The following AGBL1 variants were observed in gnomAD, a reference collection of about 807,000 sequenced individuals.
AGBL1 encodes cytosolic carboxypeptidase 4.
In AGBL1, 130 loss-of-function variants were observed where a neutral mutation model predicts 118.9. That is an observed-to-expected ratio of 1.09 (90% confidence interval 0.95 to 1.26). The LOEUF (loss-of-function observed/expected upper bound fraction) is 1.26, where lower values mean the gene tolerates loss of function less well. AGBL1 is among the 50% of genes most tolerant of loss of function. The pLI is 0.00. For missense variants in AGBL1, 1,584 were observed against 1,298.1 expected (o/e 1.22, Z -3.38); for synonymous variants, 555 against 478.9 (o/e 1.16, Z -2.08).
intron 22 of AGBL1, among the ~76,000 whole-genome samples, chr15:86,682,376 T>C (rs1408747680): frequency 6.6e-6 from 1 of 152,174 alleles, no homozygotes; most frequent in African/African-American, 2.4e-5. Flanking sequence ...AAAAGCAAAA[T>C]CAAATATTTT....
intron 22 of AGBL1, among the ~76,000 whole-genome samples, chr15:86,727,483 A>T (rs1022311309): frequency 8.5e-5 from 13 of 152,158 alleles, no homozygotes; most frequent in African/African-American, 2.9e-4. Flanking sequence ...TCAACTAATG[A>T]ACATAGTCCT....
chr15:86,698,446 C>T lies in AGBL1; in HGVS notation c.3158+24010C>T, dbSNP rs565502441. ...AGGATTTGTCTGACTTCAATTTCCA[C>T]GTTCTTTCCCTTCCCTATACCATGC... On this transcript the variant is annotated intron_variant, in intron 22 of 22. Transcript: ENST00000614907. Among the ~76,000 whole-genome samples, 18 of 152,132 alleles carry T rather than the reference C, an allele frequency of 1.2e-4. No individual in the cohort carries two copies. The East Asian group carries it at 1.9e-3, about 16-fold the overall frequency.
intron 22 of AGBL1, among the ~76,000 whole-genome samples, chr15:86,719,306 C>T (rs1430649729): frequency 2.0e-5 from 3 of 152,042 alleles, no homozygotes; most frequent in Non-Finnish European, 4.4e-5. Flanking sequence ...TCTATATAGC[C>T]CCAGTTTTCT....
At position 87,008,945 on chromosome 15, in the gene AGBL1, T is replaced by G. The variant is rs547069396; in HGVS notation, c.3324-19880T>G. ...TTGGGTGCTGTTAAAAGCATTCAGT[T>G]TTAAAAGGGAAACAGAGCATAAAAG... is the stretch of plus-strand genomic sequence containing the variant. On this transcript the variant is annotated intron_variant, in intron 24 of 24. Transcript: ENST00000441037. Among the ~76,000 whole-genome samples, 61 of 152,242 alleles carry G rather than the reference T, an allele frequency of 4.0e-4. 2 individuals carry two copies. The South Asian group carries it at 0.012, about 31-fold the overall frequency.
intron 22 of AGBL1, among the ~76,000 whole-genome samples, chr15:86,777,153 A>G (rs2078268708): frequency 6.6e-6 from 1 of 152,028 alleles, no homozygotes; most frequent in South Asian, 2.1e-4. Context: ...CAGTTTTATA[A>G]AAACCTACTT....
chr15:86,292,026 C>G (rs1242811074), intron 16 of AGBL1, among the ~76,000 whole-genome samples: 1 of 152,140 alleles, frequency 6.6e-6, no homozygotes, highest in African/African-American at 2.4e-5. Flanking sequence ...CAAGAACAAC[C>G]TGTTTCTAAG....
At chr15:86,315,811 A>G (rs1234010435) in intron 17 of AGBL1, among the ~76,000 whole-genome samples, 1 of 152,030 alleles carries the variant, frequency 6.6e-6, no homozygotes, top group African/African-American at 2.4e-5. Context: ...CTTTTATTTC[A>G]CACGGGAATA....
intron 21 of AGBL1, among the ~76,000 whole-genome samples, chr15:86,655,676 T>C (rs2085452013): frequency 6.6e-6 from 1 of 152,174 alleles, no homozygotes. Flanking sequence ...GGTGTGTTAT[T>C]AGATGTCCAA....
intron 17 of AGBL1, among the ~76,000 whole-genome samples, chr15:86,304,758 T>A (rs895844659): frequency 6.6e-6 from 1 of 152,202 alleles, no homozygotes; most frequent in African/African-American, 2.4e-5. Flanking sequence ...ACTTCATTCT[T>A]TCCCTGATGC....
chr15:86,966,770 A>G lies in AGBL1; in HGVS notation c.3222-21217A>G, dbSNP rs140918751. Among the ~76,000 whole-genome samples, 270 of 152,184 alleles carry G rather than the reference A, an allele frequency of 1.8e-3. 1 individual carries two copies. The highest frequency in any genetic ancestry group is 6.2e-3 in the African/African-American group (259 of 41,570). On this transcript the variant is annotated intron_variant, in intron 23 of 24. Transcript: ENST00000441037. ...TTCCAAGTCTTTGCTATTGTGAATAATGCCGCAATAAACATACCTGTGCAT... is the reference window on the plus strand; with the variant it reads ...TTCCAAGTCTTTGCTATTGTGAATAGTGCCGCAATAAACATACCTGTGCAT...
In AGBL1 at chr15:87,012,343, G is replaced by C. The variant is rs559685242; in HGVS notation, c.3324-16482G>C. ...TTCTCATTTCCATATTTTTGGGGGG[G>C]TACTTTCCTACATTGGAGGGTAAAA... On this transcript the variant is annotated intron_variant, in intron 24 of 24. Transcript: ENST00000441037. 9.2e-5 allele frequency among the ~76,000 whole-genome samples: 14 copies of C among 151,600 alleles called. 2 individuals carry two copies. The South Asian group carries it at 2.7e-3, about 29-fold the overall frequency.
At chr15:86,711,554 C>T (rs2086557090) in intron 22 of AGBL1, among the ~76,000 whole-genome samples, 1 of 152,104 alleles carries the variant, frequency 6.6e-6, no homozygotes, top group Admixed American at 6.6e-5. Flanking sequence ...ACTGCTAGCC[C>T]TTACAGTTGC....
At chr15:86,794,778 C>T (rs1164900954) in intron 22 of AGBL1, among the ~76,000 whole-genome samples, 3 of 152,144 alleles carry the variant, frequency 2.0e-5, no homozygotes, top group Non-Finnish European at 4.4e-5. Flanking sequence ...AAGTAATTTG[C>T]TTATTTCTTA....
intron 17 of AGBL1, among the ~76,000 whole-genome samples, chr15:86,331,112 T>C (rs1329673489): frequency 1.3e-5 from 2 of 150,516 alleles, no homozygotes; most frequent in Non-Finnish European, 2.9e-5. Flanking sequence ...TAATCCCAGC[T>C]ACTCAGGAGG....
rs1438559197 is a variant in AGBL1, at chr15:86,562,356, C to T, written c.2994+7819C>T. Reference sequence around the variant, plus strand: ...TCTTGAGAGTTTTTAGCATGAAGGGCTGTTGAATTTTGCCAAAGGCCTTTT... The same window carrying T: ...TCTTGAGAGTTTTTAGCATGAAGGGTTGTTGAATTTTGCCAAAGGCCTTTT... On this transcript the variant is annotated intron_variant, in intron 21 of 22. Transcript: ENST00000614907. 6.6e-5 allele frequency among the ~76,000 whole-genome samples: 10 copies of T among 152,118 alleles called. No individual in the cohort carries two copies. The South Asian group carries it at 1.2e-3, about 19-fold the overall frequency.
intron 18 of AGBL1, among the ~76,000 whole-genome samples, chr15:86,436,749 A>G (rs1709581787): frequency 6.6e-6 from 1 of 152,234 alleles, no homozygotes; most frequent in African/African-American, 2.4e-5. Context: ...AATGAGGAAT[A>G]GGGACCAAAA....
chr15:86,866,791 G>A (rs2079637321), intron 22 of AGBL1, among the ~76,000 whole-genome samples: 1 of 152,322 alleles, frequency 6.6e-6, no homozygotes. Context: ...GGCAGAGGTT[G>A]CAGTGAGCTG....
downstream of AGBL1, among the ~76,000 whole-genome samples, chr15:86,916,352 A>G (rs1032006173): frequency 2.0e-5 from 3 of 152,198 alleles, no homozygotes; most frequent in Admixed American, 2.0e-4. Context: ...TTAAAGAAGA[A>G]AAAATAACAG....
intron 18 of AGBL1, among the ~76,000 whole-genome samples, chr15:86,410,804 G>GTAGAGA (rs2081596981): frequency 1.2e-4 from 2 of 17,300 alleles, no homozygotes; most frequent in African/African-American, 5.1e-4. Context: ...AAGGTCAAAT[G>GTAGAGA]TAGATATATA....
Sources: allele counts gnomAD v4.1 joint callset (sites outside exome capture counted in the v4.1 genomes callset), GRCh38; gene constraint gnomAD v4.1.1; transcripts MANE v1.5; gene names NCBI Gene and HGNC (gene_info 2026-07-23, HGNC 2026-07-21).